Variants in MYO3B observed in about 807,000 individuals in gnomAD.
MYO3B encodes myosin-IIIb.
Under a neutral mutation model 174.6 loss-of-function variants are expected in MYO3B, and 156 were observed. The observed-to-expected ratio is 0.89, with a 90% CI of 0.78 to 1.02. The LOEUF (loss-of-function observed/expected upper bound fraction) is 1.02. Among genes scored for constraint, MYO3B ranks in the 50% least tolerant of loss-of-function variants. The pLI is 0.00. For missense variants in MYO3B, 1,632 were observed against 1,639.4 expected, an observed-to-expected ratio of 1.00 and a Z score of 0.08; for synonymous variants, 563 against 569.1, an observed-to-expected ratio of 0.99 and a Z score of 0.15.
At chr2:170,482,276 T>G (rs184776354) in intron 25 of MYO3B, among the ~76,000 whole-genome samples, 4 of 152,026 alleles carry the variant, frequency 2.6e-5, no homozygotes, top group Admixed American at 2.6e-4. Context: ...TGCCTCAGCC[T>G]CTCGAGTAGC....
intron 25 of MYO3B, among the ~76,000 whole-genome samples, chr2:170,473,430 G>A (rs993261479): frequency 6.6e-5 from 10 of 152,106 alleles, no homozygotes; most frequent in Non-Finnish European, 1.0e-4. Flanking sequence ...ACAGGCGTGA[G>A]CCACTGCGCC....
At chr2:170,603,740 A>G (rs971593341) in intron 32 of MYO3B, among the ~76,000 whole-genome samples, 1 of 152,250 alleles carries the variant, frequency 6.6e-6, no homozygotes, top group African/African-American at 2.4e-5. Flanking sequence ...TTAGGAAAAC[A>G]TAAATATTCA....
intron 8 of MYO3B, among the ~76,000 whole-genome samples, chr2:170,346,745 C>G (rs1005418476): frequency 9.9e-5 from 15 of 152,154 alleles, no homozygotes; most frequent in African/African-American, 3.6e-4. Flanking sequence ...ATTAAGATTT[C>G]TTGGTAACAA....
intron 7 of MYO3B, among the ~76,000 whole-genome samples, chr2:170,251,905 C>G (rs1390568463): frequency 1.3e-5 from 2 of 152,092 alleles, no homozygotes; most frequent in African/African-American, 4.8e-5. Flanking sequence ...GTGAGTTTTC[C>G]TAGGTGATAT....
intron 32 of MYO3B, among the ~76,000 whole-genome samples, chr2:170,546,834 A>G (rs1575145715): frequency 6.6e-6 from 1 of 152,202 alleles, no homozygotes; most frequent in South Asian, 2.1e-4. Context: ...TTAAAAAAAC[A>G]CTAACATCCA....
chr2:170,319,275 G>A (rs746608429), intron 7 of MYO3B, among the ~76,000 whole-genome samples: 2 of 152,158 alleles, frequency 1.3e-5, no homozygotes, highest in Non-Finnish European at 2.9e-5. Flanking sequence ...ATAAATGGTG[G>A]TGTGCAGACT....
chr2:170,607,419 A>G (rs953377225), intron 32 of MYO3B, among the ~76,000 whole-genome samples: 1 of 152,228 alleles, frequency 6.6e-6, no homozygotes, highest in Non-Finnish European at 1.5e-5. Context: ...CTGATATAGC[A>G]GTTTTCATCT....
At chr2:170,625,309 G>A (rs1282513512) in intron 32 of MYO3B, among the ~76,000 whole-genome samples, 2 of 151,958 alleles carry the variant, frequency 1.3e-5, no homozygotes, top group Admixed American at 1.3e-4. Context: ...GTATATGTGT[G>A]GAGGTATTTA....
intron 22 of MYO3B, among the ~76,000 whole-genome samples, chr2:170,416,522 CAA>C (rs1209503137): frequency 1.0e-3 from 60 of 60,140 alleles, no homozygotes; most frequent in East Asian, 7.6e-3. Flanking sequence ...GACTCCGTCT[CAA>C]AAAAAAAAAA....
intron 9 of MYO3B, among the ~76,000 whole-genome samples, chr2:170,372,143 AAAC>A (rs1553475400): frequency 0.023 from 3,136 of 135,782 alleles, 24 homozygotes; most frequent in East Asian, 0.036. Flanking sequence ...AAAAAAAAAA[AAAC>A]AACAACAACA....
intron 32 of MYO3B, among the ~76,000 whole-genome samples, chr2:170,598,496 CCTTCCAG>C (rs2106337695): frequency 6.6e-6 from 1 of 152,368 alleles, no homozygotes; most frequent in African/African-American, 2.4e-5. Context: ...AATCTCTCAG[CCTTCCAG>C]CTTAGTCTGA....
rs1201553883 is a variant in MYO3B at position 170,649,638 on chromosome 2, C to G, written c.3734-1990C>G. 2.0e-5 allele frequency among the ~76,000 whole-genome samples: 3 copies of G among 149,976 alleles called. No homozygotes were observed. The East Asian group carries it at 5.9e-4, about 30-fold the overall frequency. ...GGCTAGGAGTTCGAGACCAGCCTGGCCAACATGATGAAACCCCATCTCTAC... is the reference window on the plus strand; with the variant it reads ...GGCTAGGAGTTCGAGACCAGCCTGGGCAACATGATGAAACCCCATCTCTAC... On this transcript the variant is annotated intron_variant, in intron 32 of 34. Transcript: ENST00000408978.
chr2:170,441,757 G>A (rs1278109382), intron 22 of MYO3B, among the ~76,000 whole-genome samples: 2 of 152,188 alleles, frequency 1.3e-5, no homozygotes, highest in East Asian at 3.8e-4. Flanking sequence ...CTTTTAGCAT[G>A]CTAATGCATT....
At chr2:170,503,100 C>T (rs1687386733) in intron 28 of MYO3B, among the ~76,000 whole-genome samples, 1 of 152,218 alleles carries the variant, frequency 6.6e-6, no homozygotes, top group South Asian at 2.1e-4. Context: ...CACACAATCT[C>T]TCATTAAAAC....
At chr2:170,628,530 G>T (rs193225562) in intron 32 of MYO3B, among the ~76,000 whole-genome samples, 18 of 152,252 alleles carry the variant, frequency 1.2e-4, no homozygotes, top group African/African-American at 4.1e-4. Flanking sequence ...TTTGGCTCAC[G>T]CTCAGTGCGC....
chr2:170,622,385 T>G (rs547065376), intron 32 of MYO3B, among the ~76,000 whole-genome samples: 1 of 152,162 alleles, frequency 6.6e-6, no homozygotes, highest in Non-Finnish European at 1.5e-5. Flanking sequence ...AGAGCAACTT[T>G]TAAATATCAT....
At position 170,653,215 on chromosome 2, in the gene MYO3B, G is replaced by T; in HGVS notation, c.*94G>T. 2 of 1,492,358 alleles carry T rather than the reference G, an allele frequency of 1.3e-6. No homozygotes were observed. The highest frequency in any genetic ancestry group is 9.2e-7 in the Non-Finnish European group (1 of 1,081,828). 92.4% of individuals were successfully genotyped at this position (1,492,358 alleles called of 1,614,324 possible). A position where few individuals can be genotyped will look rare whatever the true frequency, so the allele number is the denominator to read the frequency against. ...GTAAGAAAGCACTGATATGGGGTCA[G>T]CTTCTTTGGACATATGGTCCATGCC... On this transcript the variant is annotated 3_prime_UTR_variant, in exon 35 of 35. Coordinates refer to ENST00000408978, the MANE Select transcript of MYO3B (RefSeq NM_138995.5).
intron 32 of MYO3B, among the ~76,000 whole-genome samples, chr2:170,576,527 A>G (rs1241764515): frequency 2.0e-5 from 3 of 152,176 alleles, no homozygotes; most frequent in Non-Finnish European, 4.4e-5. Flanking sequence ...TCCAGTGGAG[A>G]GTCATATGGC....
chr2:170,202,539 C>T (rs1352151932), intron 3 of MYO3B, among the ~76,000 whole-genome samples: 1 of 152,172 alleles, frequency 6.6e-6, no homozygotes, highest in African/African-American at 2.4e-5. Context: ...TGCCTATGGT[C>T]ACATAATTGG....
Sources: allele counts gnomAD v4.1 joint callset (sites outside exome capture counted in the v4.1 genomes callset), GRCh38; gene constraint gnomAD v4.1.1; transcripts MANE v1.5; gene names NCBI Gene and HGNC (gene_info 2026-07-23, HGNC 2026-07-21).